The following APC2 variants were observed in gnomAD, a reference collection of about 807,000 sequenced individuals.
The protein encoded by APC2 is APC regulator of Wnt signaling pathway 2, also known as adenomatous polyposis coli protein 2.
In APC2, 41 loss-of-function variants were observed where a neutral mutation model predicts 72.5. The ratio of observed to expected loss-of-function variants is 0.57; its 90% CI spans 0.44 to 0.73. APC2 has a LOEUF of 0.73. APC2 is among the 30% of genes least tolerant of loss of function. The pLI, the probability that APC2 is intolerant of heterozygous loss-of-function variation, is 0.00. For missense variants in APC2, 3,729 were observed against 3,403.4 expected (o/e 1.10, Z -2.38); for synonymous variants, 1,898 against 1,612.0 (o/e 1.18, Z -4.25).
rs745880656 is a variant in APC2 at position 1,469,727 on chromosome 19, G to A, written c.6426G>A (p.Pro2142=). ...EPRPLPRVAA[P]GTTWRRIRDE... is the part of the protein sequence containing the mutation. ...GGCCGCTCCCCAGGGTGGCCGCGCC[G>A]GGCACGACCTGGCGGCGCATCCGAG... The change falls in exon 15 of 15, where the codon CCG becomes CCA. Residue 2142 remains proline, a synonymous_variant. Transcript: ENST00000590469. 6.8e-7 allele frequency: 1 copy of A among 1,464,592 alleles called. No individual in the cohort carries two copies. Among genetic ancestry groups the A allele is most frequent in the Non-Finnish European group, 9.0e-7 (1 of 1,115,672 alleles). 90.7% of individuals were successfully genotyped at this position (1,464,592 alleles called of 1,614,324 possible).
rs2084116929 is a variant in APC2 at position 1,470,549 on chromosome 19, T to G, written c.*336T>G. ...GCTTGACCCCGGGCGAGGGAGGCGGTAGCCTCCGGGTCCGGGTCTGGGTCT... is the reference window on the plus strand; with the variant it reads ...GCTTGACCCCGGGCGAGGGAGGCGGGAGCCTCCGGGTCCGGGTCTGGGTCT... On this transcript the variant is annotated 3_prime_UTR_variant, in exon 15 of 15. Transcript: ENST00000590469. 1 of 238,660 alleles carries G rather than the reference T, an allele frequency of 4.2e-6. No homozygotes were observed. The highest frequency in any genetic ancestry group is 8.1e-6 in the Non-Finnish European group (1 of 123,016). 14.8% of individuals were successfully genotyped at this position (238,660 alleles called of 1,614,324 possible).
rs1002239747 is a variant in APC2 at position 1,469,037 on chromosome 19, G to A, written c.5736G>A (p.Pro1912=). 7 of 1,542,214 alleles carry A rather than the reference G, an allele frequency of 4.5e-6. No individual in the cohort carries two copies. The Admixed American group carries it at 9.8e-5, about 22-fold the overall frequency. Residue 1912 remains proline, a synonymous_variant, in exon 15 of 15, where the codon CCG becomes CCA. Coordinates refer to ENST00000590469, the MANE Select transcript of APC2 (RefSeq NM_005883.3). ...GAGCCTCCCCGGTGCCCAAAACGCC[G>A]GCGCGCACCCTTCTGGCGAAGCAGC... ...GPGASPVPKT[P]ARTLLAKQHK...
In APC2 at chr19:1,465,664, C is replaced by G; in HGVS notation, c.2363C>G (p.Ala788Gly). ...FDDDDAPSSL[A>G]AAAATGEPAS... ...GACGACGATGCACCGTCATCCCTGG[C>G]TGCGGCCGCGGCCACCGGGGAGCCA... is the stretch of plus-strand genomic sequence containing the variant. Residue 788 changes from alanine to glycine, a missense_variant, in exon 15 of 15, where the codon GCT (alanine) becomes GGT (glycine). Ala to Gly is a moderately conservative substitution (Grantham distance 60). Transcript: ENST00000590469. 1 of 1,599,784 alleles carries G rather than the reference C, an allele frequency of 6.3e-7. No individual in the cohort carries two copies. The highest frequency in any genetic ancestry group is 1.1e-5 in the South Asian group (1 of 89,310).
In APC2 at chr19:1,468,230, C is replaced by A. The variant is rs1379008219; in HGVS notation, c.4929C>A (p.Pro1643=). The part of the protein sequence containing the change: ...ISSALPRRRP[P]VSGLRRRKPR... ...CGGCCCTGCCCAGGCGCCGGCCCCC[C>A]GTGTCTGGCCTGCGGCGCCGCAAGC... The change falls in exon 15 of 15, where the codon CCC becomes CCA. Residue 1643 remains proline (P), a synonymous_variant. Coordinates refer to ENST00000590469, the MANE Select transcript of APC2 (RefSeq NM_005883.3). The A allele has an allele frequency of 2.6e-5, 39 of 1,484,868 alleles. No individual in the cohort carries two copies. Among genetic ancestry groups the A allele is most frequent in the Non-Finnish European group, 2.9e-5 (33 of 1,124,798 alleles). The allele number at this position is 1,484,868 out of a possible 1,614,324, so 92.0% of individuals were successfully genotyped here. A position where few individuals can be genotyped will look rare whatever the true frequency, so the allele number is the denominator to read the frequency against.
intron 14 of APC2, among the ~76,000 whole-genome samples, chr19:1,462,655 CAAAAAAAAAAA>C (rs34103912): frequency 7.7e-3 from 192 of 24,926 alleles, no homozygotes; most frequent in Non-Finnish European, 0.014. Flanking sequence ...AACTTCATCT[CAAAAAAAAAAA>C]AAAAAAAAAA....
At position 1,462,180 on chromosome 19, in the gene APC2, C is replaced by G. The variant is rs780049619; in HGVS notation, c.1853+3C>G. The G allele has an allele frequency of 1.9e-6, 3 of 1,546,424 alleles. No homozygotes were observed. Among genetic ancestry groups the G allele is most frequent in the Non-Finnish European group, 2.6e-6 (3 of 1,146,738 alleles). Reference sequence around the variant, plus strand: ...GTCGCCACCCGTGAGGACTACAGGTCGGCCCCCACCCCCCCACCCGCACAC... The same window carrying G: ...GTCGCCACCCGTGAGGACTACAGGTGGGCCCCCACCCCCCCACCCGCACAC... On this transcript the variant is annotated splice_donor_region_variant and intron_variant, in intron 14 of 14. Transcript: ENST00000590469.
rs373478953 is a variant in APC2 at position 1,458,351 on chromosome 19, AAGAT to A, written c.1303+299_1303+302del. 9.4e-4 allele frequency: 428 copies of A among 454,350 alleles called. 2 individuals are homozygous for A. Among genetic ancestry groups the A allele is most frequent in the East Asian group, 8.8e-3 (221 of 25,078 alleles). 28.1% of individuals were successfully genotyped at this position (454,350 alleles called of 1,614,324 possible). The stretch of plus-strand genomic sequence containing the variant: ...GAACAGGGAACGGACCAGAAGGGCA[AAGAT>A]AGATAGAAGACAGGCCCAGAATTGG... On this transcript the variant is annotated intron_variant, in intron 10 of 14. Coordinates refer to ENST00000590469, the MANE Select transcript of APC2 (RefSeq NM_005883.3).
intron 1 of APC2, among the ~76,000 whole-genome samples, 193 bp downstream of exon 1, chr19:1,450,531 A>T (rs917410463): frequency 6.6e-6 from 1 of 151,790 alleles, no homozygotes; most frequent in Non-Finnish European, 1.5e-5. Flanking sequence ...GCACACACCC[A>T]CTCACGGGCT....
chr19:1,460,375 T>A (rs2083903673), intron 11 of APC2, 55 bp downstream of exon 11: 11 of 1,608,114 alleles, frequency 6.8e-6, no homozygotes, highest in Non-Finnish European at 9.3e-6. Context: ...TTCCAGGGAC[T>A]GAGCCTCCTT....
chr19:1,454,944 C>T (rs1050102332), intron 4 of APC2, among the ~76,000 whole-genome samples: 18 of 151,544 alleles, frequency 1.2e-4, no homozygotes, highest in African/African-American at 4.1e-4. Flanking sequence ...ACTGTTTTCT[C>T]TCCTTTAATT....
At chr19:1,460,984 G>A (rs963731716) in intron 12 of APC2, 53 bp from the exon 13 acceptor site, 1 of 1,606,102 alleles carries the variant, frequency 6.2e-7, no homozygotes, top group Non-Finnish European at 8.5e-7. Context: ...TTGCTGGGGG[G>A]TTTGGGGGGC....
Position 1,469,481 on chromosome 19 carries a change from GCCC to G in APC2, c.6184_6186del (p.Pro2062del), listed in dbSNP as rs1416401245. 9.1e-7 allele frequency: 1 copy of G among 1,101,898 alleles called. No homozygotes were observed. The highest frequency in any genetic ancestry group is 5.1e-5 in the Admixed American group (1 of 19,646). 68.3% of individuals were successfully genotyped at this position (1,101,898 alleles called of 1,614,324 possible). ...AGGGCCCGGCCCCGGCCCGGCAGCG[GCCC>G]CCCGCGGCCCGACCCAGCCCTGGCG... On this transcript the variant is annotated inframe_deletion, in exon 15 of 15. Coordinates refer to ENST00000590469, the MANE Select transcript of APC2 (RefSeq NM_005883.3).
At position 1,467,861 on chromosome 19, in the gene APC2, G is replaced by T; in HGVS notation, c.4560G>T (p.Ala1520=). 6.4e-7 allele frequency: 1 copy of T among 1,550,524 alleles called. No individual in the cohort carries two copies. The highest frequency in any genetic ancestry group is 2.4e-5 in the East Asian group (1 of 42,214). Residue 1520 remains alanine, a synonymous_variant, in exon 15 of 15, where the codon GCG becomes GCT. Coordinates refer to ENST00000590469, the MANE Select transcript of APC2 (RefSeq NM_005883.3). ...YGNDSDEEPP[A]AAPTPTHRRT... ...ACGACTCGGACGAGGAGCCCCCGGCGGCCGCGCCCACGCCAACCCACCGGC... is the reference window on the plus strand; with the variant it reads ...ACGACTCGGACGAGGAGCCCCCGGCTGCCGCGCCCACGCCAACCCACCGGC...
chr19:1,447,106 C>T (rs1751666365), upstream of APC2, among the ~76,000 whole-genome samples: 2 of 152,190 alleles, frequency 1.3e-5, no homozygotes, highest in South Asian at 4.1e-4. Context: ...GGCTTCAGGG[C>T]GCGGCCTGGA....
In APC2 at chr19:1,465,445, T is replaced by C; in HGVS notation, c.2144T>C (p.Val715Ala). The change falls in exon 15 of 15, where the codon GTG (valine) becomes GCG (alanine). Residue 715 changes from valine to alanine, a missense_variant. Coordinates refer to ENST00000590469, the MANE Select transcript of APC2 (RefSeq NM_005883.3). ...ACCGCCGTGTCCCCAGGCAGCTGCG[T>C]GCCCAGCCTGTACGTGCGCAAGCAG... The part of the protein sequence containing the change: ...AATAVSPGSC[V>A]PSLYVRKQRA... The C allele has an allele frequency of 6.5e-7, 1 of 1,538,646 alleles. No individual in the cohort carries two copies. The highest frequency in any genetic ancestry group is 8.7e-7 in the Non-Finnish European group (1 of 1,148,540).
intron 10 of APC2, chr19:1,458,274 T>C (rs2083869831): frequency 1.7e-6 from 1 of 592,854 alleles, no homozygotes; most frequent in Non-Finnish European, 3.0e-6. Context: ...GGCCTCCCGA[T>C]CTGGTCTGAG....
At chr19:1,450,003 G>C (rs1206449376), upstream of APC2, 1 of 545,146 alleles carries the variant, frequency 1.8e-6, no homozygotes, top group Non-Finnish European at 2.3e-6. Context: ...GACGCCCCGC[G>C]GCCGACGCCG....
At position 1,458,113 on chromosome 19, in the gene APC2, T is replaced by G. The variant is rs2656875; in HGVS notation, c.1303+53T>G. 4.7e-6 allele frequency: 7 copies of G among 1,496,490 alleles called. No homozygotes were observed. The South Asian group carries it at 8.4e-5, about 18-fold the overall frequency. The allele number at this position is 1,496,490 out of a possible 1,614,324, so 92.7% of individuals were successfully genotyped here. A position where few individuals can be genotyped will look rare whatever the true frequency, so the allele number is the denominator to read the frequency against. ...CATCCTCCAGCCCCCGAACAGGTGG[T>G]GGCTCCTCGGCCGCTAAAGGGACAC... On this transcript the variant is annotated intron_variant, in intron 10 of 14. Coordinates refer to ENST00000590469, the MANE Select transcript of APC2 (RefSeq NM_005883.3).
chr19:1,466,933 G>A lies in APC2; in HGVS notation c.3632G>A (p.Ser1211Asn), dbSNP rs1461369269. ...GGACAGACCATGCCTCCCAGCCGGAGCAAGACGCCACCGCTGGCGCCCGCG... is the reference window on the plus strand; with the variant it reads ...GGACAGACCATGCCTCCCAGCCGGAACAAGACGCCACCGCTGGCGCCCGCG... ...SPGQTMPPSR[S>N]KTPPLAPAPQ... The change falls in exon 15 of 15, where the codon AGC becomes AAC. Residue 1211 changes from serine (S) to asparagine (N), a missense_variant. Coordinates refer to ENST00000590469, the MANE Select transcript of APC2 (RefSeq NM_005883.3). The A allele has an allele frequency of 2.5e-6, 4 of 1,597,726 alleles. No individual in the cohort carries two copies. The highest frequency in any genetic ancestry group is 1.1e-5 in the South Asian group (1 of 89,004).
Sources: allele counts gnomAD v4.1 joint callset (sites outside exome capture counted in the v4.1 genomes callset), GRCh38; gene constraint gnomAD v4.1.1; transcripts MANE v1.5; gene names NCBI Gene and HGNC (gene_info 2026-07-23, HGNC 2026-07-21).